POTEJ: variants seen among roughly 807,000 people sequenced by gnomAD.
The protein encoded by POTEJ is POTE ankyrin domain family, member J.
A neutral mutation model predicts 69.0 loss-of-function variants in POTEJ; 11 were observed. That is an observed-to-expected ratio of 0.16 (90% CI 0.10 to 0.26). POTEJ has a LOEUF of 0.26. POTEJ is among the 10% of genes least tolerant of loss of function. POTEJ has a pLI of 1.00. For synonymous variants in POTEJ, 117 were observed against 381.1 expected (o/e 0.31, Z 8.07); for missense variants, 327 against 1,045.5 (o/e 0.31, Z 9.48).
At chr2:130,634,008 C>T (rs1427455906) in intron 9 of POTEJ, among the ~76,000 whole-genome samples, 1 of 151,104 alleles carries the variant, frequency 6.6e-6, no homozygotes, top group Admixed American at 6.6e-5. Context: ...ACTTTCTGAG[C>T]TCTAGTGATC....
intron 1 of POTEJ, among the ~76,000 whole-genome samples, chr2:130,615,811 A>G (rs371248941): frequency 3.4e-5 from 5 of 145,098 alleles, no homozygotes; most frequent in South Asian, 2.1e-4. Context: ...ATTTTAAAAC[A>G]ACAAAATTTA....
intron 1 of POTEJ, among the ~76,000 whole-genome samples, chr2:130,613,384 G>GTATA (rs753097212): frequency 0.026 from 2,175 of 83,076 alleles, 30 homozygotes; most frequent in Non-Finnish European, 0.032. Flanking sequence ...GTGTGTGTGT[G>GTATA]TATATATATA....
chr2:130,648,308 C>T (rs1455103678), intron 13 of POTEJ, among the ~76,000 whole-genome samples: 3 of 145,626 alleles, frequency 2.1e-5, no homozygotes, highest in East Asian at 3.9e-4. Context: ...AAAACTCCAC[C>T]TGTTATGTAA....
intron 9 of POTEJ, among the ~76,000 whole-genome samples, chr2:130,634,146 G>A (rs370366046): frequency 7.9e-5 from 12 of 152,350 alleles, no homozygotes; most frequent in South Asian, 2.1e-4. Context: ...ACAAAAACAG[G>A]CAGTGGGCTG....
In POTEJ at chr2:130,656,860, C is replaced by G. The variant is rs1289183978; in HGVS notation, c.2100C>G (p.Cys700Trp). 6.3e-7 allele frequency: 1 copy of G among 1,584,284 alleles called. No homozygotes were observed. The highest frequency in any genetic ancestry group is 2.2e-5 in the East Asian group (1 of 44,868). Reference sequence around the variant, plus strand: ...CTGTCTTCCCTTCCATCGTGGGGTGCCCCAGGCAGCAGGGCATGATGGGGG... The same window carrying G: ...CTGTCTTCCCTTCCATCGTGGGGTGGCCCAGGCAGCAGGGCATGATGGGGG... The part of the protein sequence containing the change: ...PRAVFPSIVG[C>W]PRQQGMMGGM... The change falls in exon 15 of 15, where the codon TGC becomes TGG. Residue 700 changes from cysteine to tryptophan, a missense_variant. Cys to Trp is a radical substitution (Grantham distance 215). Coordinates refer to ENST00000409602, the MANE Select transcript of POTEJ (RefSeq NM_001277083.2).
intron 10 of POTEJ, among the ~76,000 whole-genome samples, chr2:130,643,164 T>G (rs1686454480): frequency 6.9e-6 from 1 of 145,678 alleles, no homozygotes; most frequent in Non-Finnish European, 1.5e-5. Flanking sequence ...TAAGGCAGCC[T>G]CAAGGAAGGA....
intron 3 of POTEJ, among the ~76,000 whole-genome samples, chr2:130,618,667 A>G (rs1160426809): frequency 7.0e-6 from 1 of 142,326 alleles, no homozygotes; most frequent in East Asian, 2.0e-4. Flanking sequence ...TCAATACATA[A>G]ATGTAATATG....
chr2:130,629,524 G>T (rs554615708), intron 6 of POTEJ, among the ~76,000 whole-genome samples: 2 of 142,948 alleles, frequency 1.4e-5, no homozygotes, highest in African/African-American at 5.7e-5. Flanking sequence ...TTTCAGGCAG[G>T]GTCACCATGA....
At position 130,611,749 on chromosome 2, in the gene POTEJ, A is replaced by C. The variant is rs761687973; in HGVS notation, c.217A>C (p.Arg73=). 184 of 1,572,560 alleles carry C rather than the reference A, an allele frequency of 1.2e-4. 4 individuals are homozygous for C. The highest frequency in any genetic ancestry group is 1.5e-4 in the Non-Finnish European group (175 of 1,153,074). Residue 73 remains arginine (R), a synonymous_variant, in exon 1 of 15, where the codon AGG becomes CGG. Coordinates refer to ENST00000409602, the MANE Select transcript of POTEJ (RefSeq NM_001277083.2). ...GTGCTGCCACTGCTTCCCCTGCTGC[A>C]GGGGGAGCGGCAAGAGCAACGTGGG... ...KWCCHCFPCC[R]GSGKSNVGAW...
intron 3 of POTEJ, among the ~76,000 whole-genome samples, chr2:130,618,411 A>C (rs1414158559): frequency 2.0e-5 from 3 of 148,326 alleles, no homozygotes; most frequent in Non-Finnish European, 3.0e-5. Context: ...TTGATACAGT[A>C]AGTCTAATAA....
intron 9 of POTEJ, among the ~76,000 whole-genome samples, chr2:130,633,646 T>C (rs1448657599): frequency 6.8e-6 from 1 of 147,094 alleles, no homozygotes; most frequent in African/African-American, 2.6e-5. Context: ...AGCTACATGC[T>C]ATATTGACGC....
chr2:130,638,885 C>T (rs1411372350), intron 10 of POTEJ, among the ~76,000 whole-genome samples, 196 bp downstream of exon 10: 2 of 152,396 alleles, frequency 1.3e-5, no homozygotes. Flanking sequence ...AATAATTATA[C>T]AACTTACCAT....
At chr2:130,641,327 G>C (rs1193906061) in intron 10 of POTEJ, among the ~76,000 whole-genome samples, 1 of 151,648 alleles carries the variant, frequency 6.6e-6, no homozygotes, top group Non-Finnish European at 1.5e-5. Flanking sequence ...ACCCGTCCAT[G>C]GTGAAATAAA....
At chr2:130,637,311 T>C (rs1468829872) in intron 9 of POTEJ, among the ~76,000 whole-genome samples, 2 of 11,930 alleles carry the variant, frequency 1.7e-4, no homozygotes, top group African/African-American at 2.7e-4. Flanking sequence ...TTTACTATTT[T>C]ATTTTATTTT....
chr2:130,637,771 G>A (rs1418055803), intron 9 of POTEJ, among the ~76,000 whole-genome samples: 1 of 152,156 alleles, frequency 6.6e-6, no homozygotes, highest in Non-Finnish European at 1.5e-5. Flanking sequence ...CATCTCCCAT[G>A]TCAGCTGGAG....
At chr2:130,629,544 G>T (rs1240552704) in intron 6 of POTEJ, among the ~76,000 whole-genome samples, 1 of 147,320 alleles carries the variant, frequency 6.8e-6, no homozygotes, top group Non-Finnish European at 1.5e-5. Flanking sequence ...ACCTTTCCTG[G>T]GCCCTGCTTG....
At position 130,656,857 on chromosome 2, in the gene POTEJ, G is replaced by T. The variant is rs183216030; in HGVS notation, c.2097G>T (p.Gly699=). The T allele has an allele frequency of 9.0e-5, 142 of 1,586,228 alleles. 3 individuals carry two copies. The Admixed American group carries it at 2.0e-3, about 22-fold the overall frequency. Residue 699 remains glycine, a synonymous_variant, in exon 15 of 15, where the codon GGG becomes GGT. Transcript: ENST00000409602. ...GGGCTGTCTTCCCTTCCATCGTGGGGTGCCCCAGGCAGCAGGGCATGATGG... is the reference window on the plus strand; with the variant it reads ...GGGCTGTCTTCCCTTCCATCGTGGGTTGCCCCAGGCAGCAGGGCATGATGG... ...APRAVFPSIV[G]CPRQQGMMGG...
chr2:130,646,840 C>T (rs1363796284), intron 13 of POTEJ, among the ~76,000 whole-genome samples: 1 of 146,978 alleles, frequency 6.8e-6, no homozygotes, highest in Non-Finnish European at 1.5e-5. Context: ...GGATAATGGC[C>T]TCCAGCTCCA....
chr2:130,639,923 GTTA>G (rs1195801169), intron 10 of POTEJ, among the ~76,000 whole-genome samples: 4 of 152,004 alleles, frequency 2.6e-5, no homozygotes, highest in African/African-American at 4.9e-5. Context: ...ACAGGAGCTT[GTTA>G]TTATTATCAT....
Sources: allele counts gnomAD v4.1 joint callset (sites outside exome capture counted in the v4.1 genomes callset), GRCh38; gene constraint gnomAD v4.1.1; transcripts MANE v1.5; gene names NCBI Gene and HGNC (gene_info 2026-07-23, HGNC 2026-07-21).